Variants in COL12A1 observed in about 807,000 individuals in gnomAD.
COL12A1 encodes collagen type XII alpha 1 chain.
In COL12A1, 114 loss-of-function variants were observed where a neutral mutation model predicts 349.7. The observed-to-expected ratio is 0.33, with a 90% CI of 0.28 to 0.38. COL12A1 has a LOEUF of 0.38. Among genes scored for constraint, COL12A1 ranks in the 10% least tolerant of loss-of-function variants. The probability of loss-of-function intolerance (pLI) is 1.00; values close to 1 mark genes in which losing one functional copy is unlikely to be tolerated. For synonymous variants in COL12A1, 1,369 were observed against 1,329.0 expected, an observed-to-expected ratio of 1.03 and a Z score of -0.66; for missense variants, 3,284 against 3,756.9, an observed-to-expected ratio of 0.87 and a Z score of 3.29.
intron 31 of COL12A1, among the ~76,000 whole-genome samples, chr6:75,136,539 T>G (rs1230312902): frequency 6.6e-6 from 1 of 152,208 alleles, no homozygotes; most frequent in Non-Finnish European, 1.5e-5. Context: ...ATAAGAGAAA[T>G]GACCCATTTG....
At chr6:75,091,274 G>A (rs1767750592) in intron 62 of COL12A1, 49 bp downstream of exon 62, 1 of 1,486,194 alleles carries the variant, frequency 6.7e-7, no homozygotes, top group Non-Finnish European at 9.3e-7. Context: ...GCATTTTCCT[G>A]CAATTAATTT....
At chr6:75,174,659 T>C (rs948967685) in intron 13 of COL12A1, among the ~76,000 whole-genome samples, 1 of 152,252 alleles carries the variant, frequency 6.6e-6, no homozygotes, top group African/African-American at 2.4e-5. Context: ...TATCTGGATC[T>C]GAAAGATAGA....
In COL12A1 at chr6:75,115,786, T is replaced by C. The variant is rs746981849; in HGVS notation, c.7695A>G (p.Thr2565=). 3 of 1,608,192 alleles carry C rather than the reference T, an allele frequency of 1.9e-6. No homozygotes were observed. Among genetic ancestry groups the C allele is most frequent in the Non-Finnish European group, 2.5e-6 (3 of 1,178,072 alleles). ...AAACCTCCTGTTGTCACACTTACGCTGTAGGCTGATTCACAAACGCATTCT... is the reference window on the plus strand; with the variant it reads ...AAACCTCCTGTTGTCACACTTACGCCGTAGGCTGATTCACAAACGCATTCT... The part of the protein sequence containing the change: ...IQKNAFVNQP[T]ADLHPNGLPP... The change falls in exon 49 of 66, where the codon ACA becomes ACG. Residue 2565 remains threonine (T), a splice_region_variant and synonymous_variant. Coordinates refer to ENST00000322507, the MANE Select transcript of COL12A1 (RefSeq NM_004370.6).
chr6:75,178,365 T>G (rs1769088115), intron 11 of COL12A1, among the ~76,000 whole-genome samples: 1 of 152,148 alleles, frequency 6.6e-6, no homozygotes, highest in Admixed American at 6.5e-5. Context: ...CTCTACCATA[T>G]CAACCCACCC....
chr6:75,141,527 A>G (rs1766890862), intron 27 of COL12A1, among the ~76,000 whole-genome samples: 2 of 152,138 alleles, frequency 1.3e-5, no homozygotes, highest in Admixed American at 6.5e-5. Context: ...GACAGCACAC[A>G]ATTTCAGTGC....
intron 1 of COL12A1, among the ~76,000 whole-genome samples, chr6:75,205,359 G>A (rs1770726734): frequency 6.6e-6 from 1 of 151,334 alleles, no homozygotes; most frequent in East Asian, 2.0e-4. Flanking sequence ...CGCACCGTGC[G>A]TCACCAAAAT....
In COL12A1 at chr6:75,124,286, G is replaced by A. The variant is rs1227468012; in HGVS notation, c.6693C>T (p.Thr2231=). 2.5e-6 allele frequency: 4 copies of A among 1,613,578 alleles called. No individual in the cohort carries two copies. Among genetic ancestry groups the A allele is most frequent in the Admixed American group, 3.3e-5 (2 of 59,960 alleles). ...CAGGGCTTAGTTTTAGCCTGTAGGA[G>A]GTGGCTGCCCGGTGAGGTGACCATT... is the stretch of plus-strand genomic sequence containing the variant. ...CVKWSPHRAA[T]SYRLKLSPAD... is the part of the protein sequence containing the mutation. Residue 2231 remains threonine (T), a synonymous_variant, in exon 41 of 66, where the codon ACC becomes ACT. Coordinates refer to ENST00000322507, the MANE Select transcript of COL12A1 (RefSeq NM_004370.6).
At chr6:75,147,923 G>T (rs1767284664) in intron 22 of COL12A1, 119 bp from the exon 23 acceptor site, 1 of 1,090,290 alleles carries the variant, frequency 9.2e-7, no homozygotes, top group Non-Finnish European at 1.3e-6. Flanking sequence ...TTAGGCCATT[G>T]TCTTTTGTAT....
chr6:75,197,263 T>C (rs766656489), intron 2 of COL12A1, among the ~76,000 whole-genome samples: 3 of 151,766 alleles, frequency 2.0e-5, no homozygotes, highest in Non-Finnish European at 2.9e-5. Flanking sequence ...CATCACAGAG[T>C]CTAAGTGTTC....
chr6:75,089,458 G>T (rs1767654536), intron 63 of COL12A1, among the ~76,000 whole-genome samples: 1 of 152,214 alleles, frequency 6.6e-6, no homozygotes, highest in South Asian at 2.1e-4. Context: ...CAGTAATCCT[G>T]AAGAAATTGT....
Position 75,165,792 on chromosome 6 carries a change from T to C in COL12A1, c.2711-13A>G, listed in dbSNP as rs2149439020. 1 of 1,607,416 alleles carries C rather than the reference T, an allele frequency of 6.2e-7. No homozygotes were observed. Among genetic ancestry groups the C allele is most frequent in the Non-Finnish European group, 8.5e-7 (1 of 1,176,882 alleles). ...GGAGAACCACGTTCTAGAACAGAAA[T>C]TAAAAGGGAATCTTTTTTAAAAATG... On this transcript the variant is annotated splice_polypyrimidine_tract_variant and intron_variant, in intron 13 of 65. Coordinates refer to ENST00000322507, the MANE Select transcript of COL12A1 (RefSeq NM_004370.6).
At chr6:75,121,210 T>C (rs1582082521) in intron 44 of COL12A1, 92 bp downstream of exon 44, 1 of 1,228,786 alleles carries the variant, frequency 8.1e-7, no homozygotes, top group East Asian at 2.6e-5. Flanking sequence ...CAAAACAGAG[T>C]TTATATTGAA....
At chr6:75,095,202 G>C (rs780885077) in intron 59 of COL12A1, 23 bp from the exon 60 acceptor site, 1 of 1,590,856 alleles carries the variant, frequency 6.3e-7, no homozygotes, top group Non-Finnish European at 8.6e-7. Context: ...GAAAGGGAAG[G>C]GGACTGTTAT....
intron 11 of COL12A1, among the ~76,000 whole-genome samples, chr6:75,178,824 G>A (rs570917129): frequency 4.8e-4 from 73 of 152,260 alleles, no homozygotes; most frequent in Middle Eastern, 3.4e-3. Context: ...AGAAAGGAAG[G>A]AAGTATATCT....
Position 75,102,154 on chromosome 6 carries a change from C to T in COL12A1, c.8416-102G>A, listed in dbSNP as rs1768333696. On this transcript the variant is annotated intron_variant, in intron 56 of 65. Transcript: ENST00000322507. ...TGAAATCTTCATCACTTCATAAATC[C>T]AGTGTAAGCGTTCAGAATGAGCACA... 2.0e-5 allele frequency: 23 copies of T among 1,157,212 alleles called. 1 individual carries two copies. In the Admixed American group the frequency reaches 4.2e-4, roughly 21 times the overall value. 71.7% of individuals were successfully genotyped at this position (1,157,212 alleles called of 1,614,324 possible). A position where few individuals can be genotyped will look rare whatever the true frequency, so the allele number is the denominator to read the frequency against.
chr6:75,156,150 T>G, intron 15 of COL12A1, 107 bp downstream of exon 15: 2 of 1,337,048 alleles, frequency 1.5e-6, no homozygotes, highest in Non-Finnish European at 2.1e-6. Context: ...ATAATTTAAC[T>G]TATTACGGAA....
chr6:75,104,571 G>T (rs1455575384), intron 54 of COL12A1, among the ~76,000 whole-genome samples: 2 of 152,174 alleles, frequency 1.3e-5, no homozygotes, highest in East Asian at 1.9e-4. Flanking sequence ...AACTGGCCCA[G>T]ATCAGATACT....
Position 75,183,200 on chromosome 6 carries a change from G to T in COL12A1, c.1741C>A (p.Arg581Ser), listed in dbSNP as rs764727126. ...IFAVGVKDAV[R>S]SELEAIASPP... ...GAGGCAATAGCTTCCAATTCTGAGC[G>T]AACGGCATCCTTCACACCAACTGCA... The change falls in exon 10 of 66, where the codon CGC becomes AGC. Residue 581 changes from arginine (R) to serine (S), a missense_variant. Arg to Ser is a moderately radical substitution (Grantham distance 110, BLOSUM62 -1). Transcript: ENST00000322507. The T allele has an allele frequency of 5.0e-6, 8 of 1,614,040 alleles. No homozygotes were observed. Among genetic ancestry groups the T allele is most frequent in the African/African-American group, 2.7e-5 (2 of 74,926 alleles).
intron 31 of COL12A1, among the ~76,000 whole-genome samples, chr6:75,135,178 A>G (rs1218884295): frequency 6.6e-6 from 1 of 152,130 alleles, no homozygotes; most frequent in Non-Finnish European, 1.5e-5. Context: ...GGGACTAATC[A>G]TAAGTGAGCT....
Sources: gnomAD v4.1 joint callset for allele counts (sites outside exome capture counted in the v4.1 genomes callset) on GRCh38, gnomAD v4.1.1 for gene constraint, MANE v1.5 for transcripts, NCBI Gene and HGNC (gene_info 2026-07-23, HGNC 2026-07-21) for gene names.